The following URGCP variants were observed in gnomAD, a reference collection of about 807,000 sequenced individuals.
URGCP encodes upregulator of cell proliferation.
Under a neutral mutation model 24.6 loss-of-function variants are expected in URGCP, and 13 were observed. The observed-to-expected ratio is 0.53, with a 90% CI of 0.34 to 0.84. The LOEUF (loss-of-function observed/expected upper bound fraction) is 0.84. Ranked by LOEUF, URGCP falls within the 40% of genes least tolerant of loss-of-function variation. URGCP has a pLI of 0.01. For missense variants in URGCP, 899 were observed against 1,194.3 expected (o/e 0.75, Z 3.64); for synonymous variants, 444 against 487.2 (o/e 0.91, Z 1.17).
Position 43,876,947 on chromosome 7 carries a change from A to G in URGCP, c.2516T>C (p.Leu839Pro), listed in dbSNP as rs1436243858. The change falls in exon 6 of 6, where the codon CTG (leucine) becomes CCG (proline). Residue 839 changes from leucine to proline, a missense_variant. Physicochemically the swap from Leu to Pro is moderately conservative, Grantham distance 98. Transcript: ENST00000453200. ...GPRPRDKRQL[L>P]DPPGDLSRAA... Reference sequence around the variant, plus strand: ...CCTGCTCAGGTCACCAGGTGGATCCAGGAGCTGTCTCTTGTCTCTGGGCCT... The same window carrying G: ...CCTGCTCAGGTCACCAGGTGGATCCGGGAGCTGTCTCTTGTCTCTGGGCCT... The G allele has an allele frequency of 3.7e-6, 6 of 1,614,068 alleles. No individual in the cohort carries two copies.
rs187984430 is a variant in URGCP, at chr7:43,878,700, C to T, written c.763G>A (p.Val255Met). Residue 255 changes from valine (V) to methionine (M), a missense_variant, in exon 6 of 6, where the codon GTG (valine) becomes ATG (methionine). Transcript: ENST00000453200. This position sits in a 1 kb window ranked among gnomAD's most constrained non-coding sequence, Gnocchi z 5.6. Reference protein sequence around the residue: ...RGMGSFREDSVVLSRAPAFAF... With the variant: ...RGMGSFREDSMVLSRAPAFAF... ...AAGGCGGGCGCCCTGGACAAGACCA[C>T]GCTGTCTTCCCGGAAGCTCCCCATG... 19 of 1,614,034 alleles carry T rather than the reference C, an allele frequency of 1.2e-5. No individual in the cohort carries two copies. In the South Asian group the frequency reaches 1.4e-4, roughly 12 times the overall value.
intron 1 of URGCP, among the ~76,000 whole-genome samples, chr7:43,900,919 C>A (rs2095889449): frequency 6.6e-6 from 1 of 152,232 alleles, no homozygotes; most frequent in African/African-American, 2.4e-5. Context: ...GAAGATACTG[C>A]ATGTGTTCTG....
upstream of URGCP, chr7:43,906,639 G>A (rs1447370279): frequency 3.4e-6 from 4 of 1,163,188 alleles, no homozygotes; most frequent in East Asian, 1.2e-4. Flanking sequence ...GCTCGGCGCC[G>A]GGGAGGGGCC....
chr7:43,911,170 G>A (rs759096868), upstream of URGCP, among the ~76,000 whole-genome samples: 2 of 152,148 alleles, frequency 1.3e-5, no homozygotes, highest in Non-Finnish European at 2.9e-5. Flanking sequence ...TGAAGCCAAG[G>A]CAGGTGGATC....
rs748399050 is a variant in URGCP at position 43,881,291 on chromosome 7, T to G, written c.202+368A>C. ...GTATCCTGATCTGCAAATGAAGGCG[T>G]TGGACCAGATAAATCGTTTCCAAAC... On this transcript the variant is annotated intron_variant, in intron 5 of 5. Coordinates refer to ENST00000453200, the MANE Select transcript of URGCP (RefSeq NM_001077663.3). The G allele has an allele frequency of 7.2e-6, 5 of 694,110 alleles. No homozygotes were observed. In the Admixed American group the frequency reaches 1.1e-4, roughly 15 times the overall value. The allele number at this position is 694,110 out of a possible 1,614,324, so 43.0% of individuals were successfully genotyped here. A position where few individuals can be genotyped will look rare whatever the true frequency, so the allele number is the denominator to read the frequency against.
intron 1 of URGCP, chr7:43,888,680 G>A (rs2528393): frequency 1 from 152,358 of 152,358 alleles, 76,179 homozygotes; most frequent in Non-Finnish European, 1. Flanking sequence ...GGAGGCACTC[G>A]TGTGAACTGT....
chr7:43,925,795 T>A (rs1463299881), intron 1 of URGCP, among the ~76,000 whole-genome samples: 1 of 128,938 alleles, frequency 7.8e-6, no homozygotes, highest in East Asian at 2.2e-4. Context: ...CCACCTCGTC[T>A]GGCTTTTTTT....
upstream of URGCP, among the ~76,000 whole-genome samples, chr7:43,907,645 A>C (rs1427374248): frequency 2.0e-5 from 3 of 152,204 alleles, no homozygotes; most frequent in East Asian, 5.8e-4. Context: ...ACCAATTACC[A>C]GCCCCAGGAG....
In URGCP at chr7:43,883,340, ATATATATATATATATATATATAT is replaced by A. The variant is rs1372320383; in HGVS notation, c.113-1406_113-1384del. Among the ~76,000 whole-genome samples, 793 of 100,462 alleles carry A rather than the reference ATATATATATATATATATATATAT, an allele frequency of 7.9e-3. 4 individuals carry two copies. Among genetic ancestry groups the A allele is most frequent in the African/African-American group, 0.035 (740 of 21,208 alleles). The allele number at this position is 100,462 out of a possible 152,430, so 65.9% of individuals were successfully genotyped here. A position where few individuals can be genotyped will look rare whatever the true frequency, so the allele number is the denominator to read the frequency against. On this transcript the variant is annotated intron_variant, in intron 3 of 5. Transcript: ENST00000453200. ...TATATAAATATATATATATATACAT[ATATATATATATATATATATATAT>A]TTTTTTTTTTTTTTTGAGATGGAGT... is the stretch of plus-strand genomic sequence containing the variant.
Sources: gnomAD v4.1 joint callset for allele counts (sites outside exome capture counted in the v4.1 genomes callset) on GRCh38, gnomAD v4.1.1 for gene constraint, Gnocchi (gnomAD v3.1) non-coding constraint, MANE v1.5 for transcripts, NCBI Gene and HGNC (gene_info 2026-07-23, HGNC 2026-07-21) for gene names.